KCNAB1: variants seen among roughly 807,000 people sequenced by gnomAD.
KCNAB1 encodes the protein potassium voltage-gated channel subfamily A regulatory beta subunit 1.
KCNAB1 carries 35 observed loss-of-function variants against 64.6 expected under a neutral mutation model. That is an observed-to-expected ratio of 0.54 (90% CI 0.41 to 0.72). KCNAB1 has a LOEUF of 0.72. Ranked by LOEUF, KCNAB1 falls within the 30% of genes least tolerant of loss-of-function variation. KCNAB1 has a pLI of 0.00. For missense variants in KCNAB1, 401 were observed against 512.9 expected (o/e 0.78, Z 2.11); for synonymous variants, 177 against 183.8 (o/e 0.96, Z 0.30).
chr3:156,129,508 A>G (rs1404499838), intron 1 of KCNAB1, among the ~76,000 whole-genome samples: 1 of 152,212 alleles, frequency 6.6e-6, no homozygotes, highest in African/African-American at 2.4e-5. Context: ...GGACACATTA[A>G]TATAAGCTCT....
intron 1 of KCNAB1, among the ~76,000 whole-genome samples, chr3:156,209,882 G>A (rs761702315): frequency 1.3e-5 from 2 of 152,134 alleles, no homozygotes; most frequent in African/African-American, 2.4e-5. Flanking sequence ...GAGCAGTGAC[G>A]GAAATCAAAT....
intron 1 of KCNAB1, among the ~76,000 whole-genome samples, chr3:156,146,553 A>G (rs1715049754): frequency 6.6e-6 from 1 of 152,202 alleles, no homozygotes; most frequent in African/African-American, 2.4e-5. Flanking sequence ...AAACTTAAAC[A>G]GATATAAAAT....
intron 1 of KCNAB1, among the ~76,000 whole-genome samples, chr3:156,192,449 T>A (rs183248900): frequency 1.3e-5 from 2 of 152,306 alleles, no homozygotes; most frequent in East Asian, 3.9e-4. Flanking sequence ...CTTAAACACT[T>A]GAAAATAATG....
chr3:156,483,959 G>A (rs1715018330), intron 8 of KCNAB1, among the ~76,000 whole-genome samples: 1 of 152,132 alleles, frequency 6.6e-6, no homozygotes, highest in South Asian at 2.1e-4. Flanking sequence ...AATATGTGAA[G>A]AGCTGGCTTT....
At chr3:156,219,569 G>A (rs1395044461) in intron 1 of KCNAB1, among the ~76,000 whole-genome samples, 3 of 152,000 alleles carry the variant, frequency 2.0e-5, no homozygotes, top group Non-Finnish European at 4.4e-5. Context: ...TTCCAGCCTT[G>A]CTAGAGATCT....
At chr3:156,422,554 G>C (rs1327999824) in intron 2 of KCNAB1, among the ~76,000 whole-genome samples, 5 of 152,208 alleles carry the variant, frequency 3.3e-5, no homozygotes, top group African/African-American at 1.2e-4. Context: ...AAATGAGGTA[G>C]AAAAATGAGA....
chr3:156,380,818 C>G (rs183732345), intron 1 of KCNAB1, among the ~76,000 whole-genome samples: 5 of 152,268 alleles, frequency 3.3e-5, no homozygotes, highest in Admixed American at 6.5e-5. Flanking sequence ...CAAAATAGAT[C>G]TGGTCCCTGA....
chr3:156,403,214 A>G (rs954110697), intron 1 of KCNAB1, among the ~76,000 whole-genome samples: 5 of 152,224 alleles, frequency 3.3e-5, no homozygotes, highest in African/African-American at 4.8e-5. Context: ...GAGAAAGTGT[A>G]GGAAACTTCC....
intron 1 of KCNAB1, among the ~76,000 whole-genome samples, chr3:156,383,679 GCTCAAGTCA>G (rs1208284666): frequency 6.6e-6 from 1 of 152,124 alleles, no homozygotes; most frequent in Non-Finnish European, 1.5e-5. Context: ...ATGTGCTCTG[GCTCAAGTCA>G]GAAAAAAATA....
At chr3:156,289,295 C>T (rs75424448) in intron 1 of KCNAB1, among the ~76,000 whole-genome samples, 3,310 of 152,320 alleles carry the variant, frequency 0.022, 141 homozygotes, top group African/African-American at 0.076. Flanking sequence ...ACTGAAGTTC[C>T]TGGCTCCTGA....
chr3:156,181,014 A>AG (rs1712775546), intron 1 of KCNAB1, among the ~76,000 whole-genome samples: 1 of 152,162 alleles, frequency 6.6e-6, no homozygotes, highest in Non-Finnish European at 1.5e-5. Context: ...GCTTACAGAG[A>AG]GCTGCCTTCT....
intron 8 of KCNAB1, among the ~76,000 whole-genome samples, chr3:156,505,274 G>A (rs1053274737): frequency 6.6e-6 from 1 of 152,062 alleles, no homozygotes; most frequent in Non-Finnish European, 1.5e-5. Flanking sequence ...CTGTTTTTAT[G>A]CCAGTATCAC....
chr3:156,331,273 C>T (rs929443246), intron 1 of KCNAB1, among the ~76,000 whole-genome samples: 3 of 152,138 alleles, frequency 2.0e-5, no homozygotes, highest in African/African-American at 2.4e-5. Context: ...AACACATTCC[C>T]GTTTGGGTTG....
chr3:156,172,452 G>T (rs1249786475), intron 1 of KCNAB1, among the ~76,000 whole-genome samples: 1 of 152,036 alleles, frequency 6.6e-6, no homozygotes, highest in Non-Finnish European at 1.5e-5. Context: ...GCTAATTTTT[G>T]TACTTTTTTT....
Position 156,489,170 on chromosome 3 carries a change from G to A in KCNAB1, c.658+14350G>A, listed in dbSNP as rs7653437. 3.2e-3 allele frequency among the ~76,000 whole-genome samples: 485 copies of A among 152,146 alleles called. 3 individuals carry two copies. Among genetic ancestry groups the A allele is most frequent in the African/African-American group, 0.011 (455 of 41,516 alleles). ...ATAAATTTGGGAGCTGTCTGCATGCGAATGGTATTTCAACCCTTGAGAATT... is the reference window on the plus strand; with the variant it reads ...ATAAATTTGGGAGCTGTCTGCATGCAAATGGTATTTCAACCCTTGAGAATT... On this transcript the variant is annotated intron_variant, in intron 8 of 13. Coordinates refer to ENST00000490337, the MANE Select transcript of KCNAB1 (RefSeq NM_172160.3).
chr3:156,306,597 G>A (rs982121560), intron 1 of KCNAB1, among the ~76,000 whole-genome samples: 3 of 152,204 alleles, frequency 2.0e-5, no homozygotes, highest in Non-Finnish European at 2.9e-5. Flanking sequence ...CCATTACAGA[G>A]AGTCAGGTTT....
Position 156,462,218 on chromosome 3 carries a change from T to C in KCNAB1, c.483-1484T>C, listed in dbSNP as rs941084563. On this transcript the variant is annotated intron_variant, in intron 5 of 13. Coordinates refer to ENST00000490337, the MANE Select transcript of KCNAB1 (RefSeq NM_172160.3). ...CAATTTGCCAGGCTGCTGTCTACTC[T>C]TGCTCTTTGAACATATAGTTAATGT... Among the ~76,000 whole-genome samples, 19 of 152,378 alleles carry C rather than the reference T, an allele frequency of 1.2e-4. No individual in the cohort carries two copies. In the South Asian group the frequency reaches 3.9e-3, roughly 32 times the overall value.
chr3:156,129,213 G>A (rs1008307003), intron 1 of KCNAB1, among the ~76,000 whole-genome samples: 1 of 151,724 alleles, frequency 6.6e-6, no homozygotes. Context: ...CTACCTCCCT[G>A]CTGAATATGC....
chr3:156,370,883 G>A (rs1005117573), intron 1 of KCNAB1, among the ~76,000 whole-genome samples: 1 of 152,222 alleles, frequency 6.6e-6, no homozygotes, highest in South Asian at 2.1e-4. Context: ...TCCAGTGGCG[G>A]CAGGCGGCAC....
Sources: gnomAD v4.1 joint callset for allele counts (sites outside exome capture counted in the v4.1 genomes callset) on GRCh38, gnomAD v4.1.1 for gene constraint, MANE v1.5 for transcripts, NCBI Gene and HGNC (gene_info 2026-07-23, HGNC 2026-07-21) for gene names.